DNAH2: variants seen among roughly 807,000 people sequenced by gnomAD.
The protein encoded by DNAH2 is dynein axonemal heavy chain 2, also known as axonemal beta dynein heavy chain 2.
DNAH2 carries 323 observed loss-of-function variants against 523.5 expected under a neutral mutation model. The observed-to-expected ratio is 0.62, with a 90% confidence interval of 0.56 to 0.68. DNAH2 has a LOEUF of 0.68. DNAH2 is among the 30% of genes least tolerant of loss of function. The pLI is 0.00. For missense variants in DNAH2, 4,907 were observed against 5,701.5 expected, an observed-to-expected ratio of 0.86 and a Z score of 4.49; for synonymous variants, 2,093 against 2,177.4, an observed-to-expected ratio of 0.96 and a Z score of 1.08.
At chr17:7,771,542 T>C in intron 28 of DNAH2, 74 bp downstream of exon 28, 2 of 1,543,584 alleles carry the variant, frequency 1.3e-6, no homozygotes, top group Non-Finnish European at 1.8e-6. Flanking sequence ...CGTGCTTCAT[T>C]TATTAAAAAG....
intron 63 of DNAH2, among the ~76,000 whole-genome samples, chr17:7,810,581 G>C (rs566851627): frequency 1.2e-4 from 19 of 152,050 alleles, no homozygotes; most frequent in Non-Finnish European, 1.8e-4. Context: ...TAGAGATGGG[G>C]TTTCACCACG....
chr17:7,791,376 TGTG>T (rs921220150), intron 44 of DNAH2, among the ~76,000 whole-genome samples: 2 of 152,096 alleles, frequency 1.3e-5, no homozygotes, highest in African/African-American at 4.8e-5. Context: ...TGACTGAAAA[TGTG>T]GTATTTTTTT....
chr17:7,802,395 C>T (rs1276927982), intron 58 of DNAH2, among the ~76,000 whole-genome samples: 1 of 152,192 alleles, frequency 6.6e-6, no homozygotes, highest in Non-Finnish European at 1.5e-5. Flanking sequence ...TCTCACTCAA[C>T]ACAGTACAGT....
chr17:7,818,245 G>A lies in DNAH2; in HGVS notation c.10388-67G>A, dbSNP rs539163071. ...GGCTGAGTCGCTGCCCCTGGATGCC[G>A]GTGGGGGATGGGTTAGCTGGTACCC... On this transcript the variant is annotated intron_variant, in intron 68 of 85. Transcript: ENST00000572933. 49 of 1,601,604 alleles carry A rather than the reference G, an allele frequency of 3.1e-5. 1 individual carries two copies. The highest frequency in any genetic ancestry group is 4.5e-5 in the South Asian group (4 of 89,112).
At chr17:7,792,631 G>T in intron 46 of DNAH2, 26 bp from the exon 47 acceptor site, 2 of 1,600,220 alleles carry the variant, frequency 1.2e-6, no homozygotes, top group South Asian at 1.1e-5. Flanking sequence ...GCTGGTCCTT[G>T]AGAGCCGGCC....
At chr17:7,804,819 C>G in intron 59 of DNAH2, 139 bp from the exon 60 acceptor site, 2 of 719,666 alleles carry the variant, frequency 2.8e-6, no homozygotes, top group Non-Finnish European at 4.7e-6. Context: ...GCACTCCAGC[C>G]TGGGCGAAAG....
Position 7,798,647 on chromosome 17 carries a change from C to G in DNAH2, c.8488C>G (p.Leu2830Val). The G allele has an allele frequency of 6.2e-7, 1 of 1,614,062 alleles. No individual in the cohort carries two copies. Among genetic ancestry groups the G allele is most frequent in the Non-Finnish European group, 8.5e-7 (1 of 1,179,992 alleles). ...VDTQIADESFLEDINNILSSG... is the reference protein window; with the variant it reads ...VDTQIADESFVEDINNILSSG... ...CACCCAAATAGCTGATGAGTCCTTC[C>G]TAGAGGACATCAACAACATCCTCAG... The change falls in exon 55 of 86, where the codon CTA becomes GTA. Residue 2830 changes from leucine (L) to valine (V), a missense_variant. This residue lies in a region of DNAH2 where 1,851 missense variants were observed against 2,139.4 expected (regional missense o/e 0.87). Transcript: ENST00000572933. This position sits in a 1 kb window ranked among gnomAD's most constrained non-coding sequence, Gnocchi z 5.5.
intron 58 of DNAH2, 108 bp from the exon 59 acceptor site, chr17:7,804,148 A>ATT: frequency 1.7e-5 from 20 of 1,160,618 alleles, no homozygotes; most frequent in Admixed American, 1.0e-4. Flanking sequence ...TGTTGGTGGC[A>ATT]ACAGAAAGGA....
In DNAH2 at chr17:7,817,795, C is replaced by T. The variant is rs1363813167; in HGVS notation, c.10175C>T (p.Ala3392Val). Residue 3392 changes from alanine to valine, a missense_variant, in exon 67 of 86, where the codon GCA becomes GTA. Coordinates refer to ENST00000572933, the MANE Select transcript of DNAH2 (RefSeq NM_020877.5). ...GIIVTRGNRWALMIDPQAQAL... is the reference protein window; with the variant it reads ...GIIVTRGNRWVLMIDPQAQAL... ...GACCTGTACTCCCCTTCCAGGTGGGCACTGATGATCGACCCTCAGGCCCAG... is the reference window on the plus strand; with the variant it reads ...GACCTGTACTCCCCTTCCAGGTGGGTACTGATGATCGACCCTCAGGCCCAG... 1 of 1,614,070 alleles carries T rather than the reference C, an allele frequency of 6.2e-7. No individual in the cohort carries two copies. The highest frequency in any genetic ancestry group is 1.1e-5 in the South Asian group (1 of 91,082).
Position 7,798,425 on chromosome 17 carries a change from T to TG in DNAH2, c.8398+103dup. 1 of 1,529,804 alleles carries TG rather than the reference T, an allele frequency of 6.5e-7. No homozygotes were observed. The highest frequency in any genetic ancestry group is 1.9e-5 in the Admixed American group (1 of 53,006). The allele number at this position is 1,529,804 out of a possible 1,614,324, so 94.8% of individuals were successfully genotyped here. On this transcript the variant is annotated intron_variant, in intron 54 of 85. Coordinates refer to ENST00000572933, the MANE Select transcript of DNAH2 (RefSeq NM_020877.5). This position sits in a 1 kb window ranked among gnomAD's most constrained non-coding sequence, Gnocchi z 5.5. ...TGGCAGCCAGATGGGCAGACGTGTC[T>TG]GGCCCGTGTTGGGTGTAGGATGGTG...
chr17:7,796,651 A>G lies in DNAH2; in HGVS notation c.7862A>G (p.Lys2621Arg), dbSNP rs2077071302. Reference sequence around the variant, plus strand: ...CTCTTCAACCTTCGAGACATCTCCAAGGTGACTCGCGGCCTGACCTTGCCC... The same window carrying G: ...CTCTTCAACCTTCGAGACATCTCCAGGGTGACTCGCGGCCTGACCTTGCCC... ...HYLFNLRDIS[K>R]VFQGMLRANK... The change falls in exon 50 of 86, where the codon AAG (lysine) becomes AGG (arginine). Residue 2621 changes from lysine to arginine, a missense_variant and splice_region_variant. By Grantham distance (26) the Lys-to-Arg change is conservative. Coordinates refer to ENST00000572933, the MANE Select transcript of DNAH2 (RefSeq NM_020877.5). 1 of 1,609,988 alleles carries G rather than the reference A, an allele frequency of 6.2e-7. No individual in the cohort carries two copies. The highest frequency in any genetic ancestry group is 1.7e-4 in the Middle Eastern group (1 of 5,774).
Position 7,807,581 on chromosome 17 carries a change from C to T in DNAH2, c.9724C>T (p.Arg3242Trp), listed in dbSNP as rs746343704. 1.1e-5 allele frequency: 17 copies of T among 1,610,656 alleles called. No individual in the cohort carries two copies. Among genetic ancestry groups the T allele is most frequent in the Admixed American group, 1.7e-5 (1 of 60,002 alleles). Residue 3242 changes from arginine (R) to tryptophan (W), a missense_variant, in exon 63 of 86, where the codon CGG becomes TGG. Around this residue, in one of 3 missense-constraint regions of DNAH2, gnomAD observed 1,851 missense variants for 2,139.4 expected, o/e 0.87. Coordinates refer to ENST00000572933, the MANE Select transcript of DNAH2 (RefSeq NM_020877.5). This position sits in a 1 kb window ranked among gnomAD's most constrained non-coding sequence, Gnocchi z 5.6. The stretch of plus-strand genomic sequence containing the variant: ...GCTCGCTGAGGCCCAGGAGAAGCTG[C>T]GGGAGGTGAGCTGATCGCCTGTCCT... Reference protein sequence around the residue: ...AALAEAQEKLREVAEKLEMLK... With the variant: ...AALAEAQEKLWEVAEKLEMLK...
intron 7 of DNAH2, among the ~76,000 whole-genome samples, chr17:7,735,280 G>A (rs1000330471): frequency 6.6e-5 from 10 of 150,472 alleles, no homozygotes; most frequent in African/African-American, 2.0e-4. Context: ...ACAGGTGCCC[G>A]CCACCAAGCC....
intron 64 of DNAH2, 78 bp from the exon 65 acceptor site, chr17:7,817,212 G>C: frequency 6.5e-7 from 1 of 1,529,820 alleles, no homozygotes; most frequent in Non-Finnish European, 8.7e-7. Context: ...GTCCAGAAGA[G>C]GGTGCCTTCA....
chr17:7,785,860 A>G (rs2151258091), intron 39 of DNAH2, among the ~76,000 whole-genome samples: 1 of 152,306 alleles, frequency 6.6e-6, no homozygotes, highest in Middle Eastern at 3.4e-3. Context: ...CACTGTGTCA[A>G]TGAGGAAACT....
Position 7,740,076 on chromosome 17 carries a change from G to C in DNAH2, c.1376+138G>C. On this transcript the variant is annotated intron_variant, in intron 9 of 85. Coordinates refer to ENST00000572933, the MANE Select transcript of DNAH2 (RefSeq NM_020877.5). ...ATCAGGGCGGTGGCCCGGGGGGGGG[G>C]ACAGGAGAGAGTGCAGGGGAGGGGG... 3 of 389,770 alleles carry C rather than the reference G, an allele frequency of 7.7e-6. 1 individual carries two copies. Among genetic ancestry groups the C allele is most frequent in the South Asian group, 6.2e-5 (3 of 48,116 alleles). 24.1% of individuals were successfully genotyped at this position (389,770 alleles called of 1,614,324 possible). A position where few individuals can be genotyped will look rare whatever the true frequency, so the allele number is the denominator to read the frequency against.
At chr17:7,775,963 G>A in intron 30 of DNAH2, 61 bp from the exon 31 acceptor site, 1 of 1,600,144 alleles carries the variant, frequency 6.2e-7, no homozygotes, top group Non-Finnish European at 8.5e-7. Flanking sequence ...TGCCTTCCCT[G>A]TGGAGGACCT....
In DNAH2 at chr17:7,754,472, A is replaced by G; in HGVS notation, c.1905-2619A>G. 1 of 701,008 alleles carries G rather than the reference A, an allele frequency of 1.4e-6. No individual in the cohort carries two copies. The highest frequency in any genetic ancestry group is 1.8e-5 in the South Asian group (1 of 56,464). The allele number at this position is 701,008 out of a possible 1,614,324, so 43.4% of individuals were successfully genotyped here. On this transcript the variant is annotated intron_variant, in intron 12 of 85. Transcript: ENST00000572933. The surrounding 1 kb of genome is among the most constrained non-coding windows in gnomAD (Gnocchi z 4.6). ...ATCAAGAAACCGCGATCACAAAGAT[A>G]CAAATCTCTTAAGGGGGTGGACTCC... is the stretch of plus-strand genomic sequence containing the variant.
At chr17:7,789,133 C>T (rs1597663482) in intron 44 of DNAH2, among the ~76,000 whole-genome samples, 1 of 152,118 alleles carries the variant, frequency 6.6e-6, no homozygotes, top group East Asian at 1.9e-4. Context: ...CACTGCACTC[C>T]AGCCTAGGCA....
Sources: gnomAD v4.1 joint callset for allele counts (sites outside exome capture counted in the v4.1 genomes callset) on GRCh38, gnomAD v4.1.1 for gene constraint, gnomAD v4.1.1 regional missense constraint, Gnocchi (gnomAD v3.1) non-coding constraint, MANE v1.5 for transcripts, NCBI Gene and HGNC (gene_info 2026-07-23, HGNC 2026-07-21) for gene names.